The following PPP3CB variants were observed in gnomAD, a reference collection of about 807,000 sequenced individuals.
PPP3CB encodes protein phosphatase 3 catalytic subunit beta.
Under a neutral mutation model 66.4 loss-of-function variants are expected in PPP3CB, and 8 were observed. That is an observed-to-expected ratio of 0.12 (90% confidence interval 0.07 to 0.22). The LOEUF is 0.22. Ranked by LOEUF, PPP3CB falls within the 10% of genes least tolerant of loss-of-function variation. The pLI, the probability that PPP3CB is intolerant of heterozygous loss-of-function variation, is 1.00. For missense variants in PPP3CB, 319 were observed against 642.5 expected (o/e 0.50, Z 5.44); for synonymous variants, 208 against 221.2 (o/e 0.94, Z 0.53).
intron 9 of PPP3CB, among the ~76,000 whole-genome samples, chr10:73,461,027 C>T (rs1372842776): frequency 6.6e-6 from 1 of 152,332 alleles, no homozygotes; most frequent in Non-Finnish European, 1.5e-5. Context: ...GGCTGCTGCC[C>T]TCCAGAATGG....
At chr10:73,483,896 C>A (rs2056926152) in intron 1 of PPP3CB, among the ~76,000 whole-genome samples, 2 of 152,106 alleles carry the variant, frequency 1.3e-5, no homozygotes, top group South Asian at 2.1e-4. Flanking sequence ...GCAGTCCCAG[C>A]ACTTTGGGAG....
chr10:73,459,292 T>A lies in PPP3CB; in HGVS notation c.1109-4803A>T, dbSNP rs370846352. Among the ~76,000 whole-genome samples the A allele has an allele frequency of 2.4e-4, 36 of 152,164 alleles. No individual in the cohort carries two copies. In the East Asian group the frequency reaches 5.4e-3, roughly 23 times the overall value. On this transcript the variant is annotated intron_variant, in intron 9 of 13. Transcript: ENST00000360663. ...TCAGGAGGTCAGGAGATTGAGATCATCCTGGCTACACAGTGAAACCCTGTC... is the reference window on the plus strand; with the variant it reads ...TCAGGAGGTCAGGAGATTGAGATCAACCTGGCTACACAGTGAAACCCTGTC...
At chr10:73,454,925 T>C (rs1193839036) in intron 9 of PPP3CB, among the ~76,000 whole-genome samples, 3 of 151,928 alleles carry the variant, frequency 2.0e-5, no homozygotes, top group African/African-American at 7.2e-5. Flanking sequence ...CAGGCTGCAG[T>C]GCAGTGGCGT....
At chr10:73,457,260 G>GAAAAAAAAAAAAAAAAAAAAAAAAA (rs35129439) in intron 9 of PPP3CB, among the ~76,000 whole-genome samples, 1 of 68,966 alleles carries the variant, frequency 1.4e-5, no homozygotes, top group African/African-American at 5.4e-5. Context: ...CTCTAAAAAA[G>GAAAAAAAAAAAAAAAAAAAAAAAAA]AAAAAAAAAA....
chr10:73,460,694 C>T (rs1384786459), intron 9 of PPP3CB, among the ~76,000 whole-genome samples: 2 of 152,192 alleles, frequency 1.3e-5, no homozygotes, highest in African/African-American at 2.4e-5. Flanking sequence ...CCATCATAGG[C>T]CTAGAGGCCT....
intron 9 of PPP3CB, among the ~76,000 whole-genome samples, chr10:73,455,744 A>AT (rs1222788637): frequency 1.3e-5 from 2 of 151,680 alleles, no homozygotes; most frequent in South Asian, 2.1e-4. Flanking sequence ...AATTTTTTGT[A>AT]TTTTTTTAGT....
chr10:73,468,238 CTTT>C (rs1277016937), intron 8 of PPP3CB, among the ~76,000 whole-genome samples: 3 of 152,008 alleles, frequency 2.0e-5, no homozygotes, highest in Non-Finnish European at 4.4e-5. Flanking sequence ...AAATATTTTA[CTTT>C]GTTTAGAAAA....
chr10:73,490,247 C>T (rs182081966), intron 1 of PPP3CB, among the ~76,000 whole-genome samples: 372 of 152,338 alleles, frequency 2.4e-3, no homozygotes, highest in African/African-American at 8.5e-3. Flanking sequence ...AGAGTCATCA[C>T]TACCTCCTTT....
chr10:73,487,052 C>A (rs1419038912), intron 1 of PPP3CB, among the ~76,000 whole-genome samples: 1 of 152,064 alleles, frequency 6.6e-6, no homozygotes, highest in East Asian at 1.9e-4. Flanking sequence ...CTCCTATAAT[C>A]CTAACTACTG....
intron 9 of PPP3CB, among the ~76,000 whole-genome samples, chr10:73,455,821 T>C (rs186876195): frequency 0.047 from 7,093 of 152,222 alleles, 507 homozygotes; most frequent in African/African-American, 0.15. Context: ...CCGCCCACCT[T>C]GGCCTCCCAA....
intron 1 of PPP3CB, among the ~76,000 whole-genome samples, chr10:73,485,718 T>G (rs2056960322): frequency 6.6e-6 from 1 of 152,136 alleles, no homozygotes; most frequent in African/African-American, 2.4e-5. Flanking sequence ...TTTTAATCTA[T>G]CCCACAAACC....
intron 1 of PPP3CB, among the ~76,000 whole-genome samples, chr10:73,484,879 T>C (rs549028329): frequency 5.9e-5 from 9 of 151,492 alleles, no homozygotes; most frequent in Admixed American, 5.2e-4. Flanking sequence ...TGGTGAAACC[T>C]TGTCTCTACT....
intron 11 of PPP3CB, among the ~76,000 whole-genome samples, chr10:73,445,975 T>C (rs1293668542): frequency 1.3e-5 from 2 of 149,320 alleles, no homozygotes; most frequent in Non-Finnish European, 3.0e-5. Flanking sequence ...TCTCAATCTC[T>C]TGACCTCGTG....
At chr10:73,448,424 G>T (rs896673188) in intron 10 of PPP3CB, among the ~76,000 whole-genome samples, 7 of 152,086 alleles carry the variant, frequency 4.6e-5, no homozygotes, top group Non-Finnish European at 1.0e-4. Context: ...GCAAAAGAAT[G>T]AAATTTTAAA....
At chr10:73,494,884 T>C (rs1028940002) in intron 1 of PPP3CB, among the ~76,000 whole-genome samples, 4 of 152,214 alleles carry the variant, frequency 2.6e-5, no homozygotes, top group African/African-American at 7.2e-5. Flanking sequence ...ATCATTTCAA[T>C]TGTTTTTCAC....
chr10:73,474,076 C>T (rs1360391264), intron 4 of PPP3CB, among the ~76,000 whole-genome samples: 1 of 151,926 alleles, frequency 6.6e-6, no homozygotes, highest in Non-Finnish European at 1.5e-5. Context: ...GAGTTTCGCT[C>T]TTGTTGCCCA....
chr10:73,475,129 T>C (rs2056767193), intron 3 of PPP3CB, 99 bp from the exon 4 acceptor site: 11 of 1,388,906 alleles, frequency 7.9e-6, no homozygotes, highest in Non-Finnish European at 1.0e-5. Context: ...TACCATCCTC[T>C]ATTATCTTTC....
chr10:73,441,412 C>G (rs1289761661), intron 12 of PPP3CB, among the ~76,000 whole-genome samples: 1 of 151,974 alleles, frequency 6.6e-6, no homozygotes, highest in Non-Finnish European at 1.5e-5. Context: ...GCCTGGGCAA[C>G]ACATAGAGAG....
intron 1 of PPP3CB, among the ~76,000 whole-genome samples, chr10:73,493,968 A>C (rs2057121660): frequency 6.6e-6 from 1 of 152,218 alleles, no homozygotes; most frequent in Non-Finnish European, 1.5e-5. Flanking sequence ...GAAGATTCAC[A>C]AACGTAAGGA....
Sources: gnomAD v4.1 joint callset for allele counts (sites outside exome capture counted in the v4.1 genomes callset) on GRCh38, gnomAD v4.1.1 for gene constraint, MANE v1.5 for transcripts, NCBI Gene and HGNC (gene_info 2026-07-23, HGNC 2026-07-21) for gene names.